ANKRD62: variants seen among roughly 807,000 people sequenced by gnomAD.
The protein encoded by ANKRD62 is ankyrin repeat domain 62.
In ANKRD62, 61 loss-of-function variants were observed where a neutral mutation model predicts 98.8. The ratio of observed to expected loss-of-function variants is 0.62; its 90% CI spans 0.50 to 0.76. The LOEUF is 0.76. ANKRD62 is among the 30% of genes least tolerant of loss of function. ANKRD62 has a pLI of 0.00. For synonymous variants in ANKRD62, 341 were observed against 367.9 expected, an observed-to-expected ratio of 0.93 and a Z score of 0.84; for missense variants, 933 against 1,082.9, an observed-to-expected ratio of 0.86 and a Z score of 1.94.
At chr18:12,170,424 A>G in the ANKRD62 span, among the ~76,000 whole-genome samples, 1 of 152,032 alleles carries the variant, frequency 6.6e-6, no homozygotes, top group Non-Finnish European at 1.5e-5. Flanking sequence ...TTCAGTTTCG[A>G]TGTAGTTGTG....
At chr18:12,115,183 A>G in intron 9 of ANKRD62, 62 bp downstream of exon 9, 1 of 1,346,484 alleles carries the variant, frequency 7.4e-7, no homozygotes, top group Non-Finnish European at 9.6e-7. Context: ...ATCATGGTAA[A>G]AAACAGAAAA....
At chr18:12,145,350 A>C in the ANKRD62 span, among the ~76,000 whole-genome samples, 1 of 152,228 alleles carries the variant, frequency 6.6e-6, no homozygotes, top group African/African-American at 2.4e-5. Context: ...CAAACAACAA[A>C]GATGTCAGCC....
At chr18:12,096,325 C>G (rs780152560) in intron 4 of ANKRD62, 23 bp downstream of exon 4, 1 of 1,399,876 alleles carries the variant, frequency 7.1e-7, no homozygotes, top group South Asian at 1.3e-5. Context: ...TTTTTTTGTT[C>G]ATTTTTAAAC....
At chr18:12,117,760 A>G (rs1425313330) in intron 10 of ANKRD62, among the ~76,000 whole-genome samples, 1 of 152,226 alleles carries the variant, frequency 6.6e-6, no homozygotes, top group Non-Finnish European at 1.5e-5. Flanking sequence ...TAATCTGGCA[A>G]ATAACAACGA....
intron 10 of ANKRD62, among the ~76,000 whole-genome samples, chr18:12,119,884 A>G (rs7239346): frequency 0.61 from 93,172 of 151,730 alleles, 29,037 homozygotes; most frequent in Middle Eastern, 0.76. Context: ...TACCAACCTC[A>G]ATATGTTATT....
chr18:12,174,758 TG>T, the ANKRD62 span, among the ~76,000 whole-genome samples: 1 of 152,220 alleles, frequency 6.6e-6, no homozygotes. Context: ...GAAGATTTTA[TG>T]GGCCCAATGT....
Position 12,103,216 on chromosome 18 carries a change from T to C in ANKRD62, c.879T>C (p.Ser293=). Residue 293 remains serine (S), a synonymous_variant, in exon 7 of 14, where the codon AGT becomes AGC. Coordinates refer to ENST00000587848, the MANE Select transcript of ANKRD62 (RefSeq NM_001277333.2). The part of the protein sequence containing the change: ...GEQERLEGCE[S]SQPQVEEKMK... The stretch of plus-strand genomic sequence containing the variant: ...AAGAAAGGCTTGAAGGATGTGAAAG[T>C]AGCCAGCCACAGGTATGTAAAAATT... 7.3e-7 allele frequency: 1 copy of C among 1,360,882 alleles called. No individual in the cohort carries two copies. Among genetic ancestry groups the C allele is most frequent in the Non-Finnish European group, 9.6e-7 (1 of 1,047,058 alleles). The allele number at this position is 1,360,882 out of a possible 1,614,324, so 84.3% of individuals were successfully genotyped here. A position where few individuals can be genotyped will look rare whatever the true frequency, so the allele number is the denominator to read the frequency against.
intron 1 of ANKRD62, among the ~76,000 whole-genome samples, chr18:12,094,477 TGGAA>T (rs1909125412): frequency 5.7e-4 from 1 of 1,754 alleles, no homozygotes; most frequent in South Asian, 0.016. Flanking sequence ...GGGTGGGGGT[TGGAA>T]GGGGTGGAGG....
chr18:12,164,841 T>C, the ANKRD62 span, among the ~76,000 whole-genome samples: 2 of 151,964 alleles, frequency 1.3e-5, no homozygotes, highest in Admixed American at 6.6e-5. Flanking sequence ...TCTTTGTCAA[T>C]TTTCTTTCTG....
chr18:12,126,066 G>A lies in ANKRD62; in HGVS notation c.2245G>A (p.Glu749Lys). The change falls in exon 13 of 14, where the codon GAG (glutamate) becomes AAG (lysine). Residue 749 changes from glutamate (E) to lysine (K), a missense_variant. By Grantham distance (56) the Glu-to-Lys change is moderately conservative. This residue lies in a region of ANKRD62 where 362 missense variants were observed against 434.5 expected (regional missense o/e 0.83). Transcript: ENST00000587848. Reference protein sequence around the residue: ...GVLSRTQRRLEDIEHMYQNDQ... With the variant: ...GVLSRTQRRLKDIEHMYQNDQ... ...CCTAAGCCGAACACAGCGTCGATTGGAGGACATTGAACACATGTACCAAAA... is the reference window on the plus strand; with the variant it reads ...CCTAAGCCGAACACAGCGTCGATTGAAGGACATTGAACACATGTACCAAAA... 1 of 1,536,180 alleles carries A rather than the reference G, an allele frequency of 6.5e-7. No homozygotes were observed. Among genetic ancestry groups the A allele is most frequent in the Non-Finnish European group, 8.7e-7 (1 of 1,146,900 alleles).
At chr18:12,171,858 A>G in the ANKRD62 span, among the ~76,000 whole-genome samples, 1 of 151,768 alleles carries the variant, frequency 6.6e-6, no homozygotes, top group African/African-American at 2.4e-5. Context: ...TTTTTTCTCT[A>G]AACTTCTCGC....
At chr18:12,167,209 A>G in the ANKRD62 span, among the ~76,000 whole-genome samples, 1 of 151,202 alleles carries the variant, frequency 6.6e-6, no homozygotes, top group Admixed American at 6.6e-5. Context: ...GTATGTATAC[A>G]TGTGCCGTGT....
chr18:12,127,815 T>C lies in ANKRD62; in HGVS notation c.2630T>C (p.Met877Thr). ...ALNKQLLLEA[M>T]LEISSERRIN... ...AACAAACAATTGCTGTTAGAAGCTA[T>C]GCTAGAGATTTCATCAGAACGTCGT... The change falls in exon 14 of 14, where the codon ATG (methionine) becomes ACG (threonine). Residue 877 changes from methionine (M) to threonine (T), a missense_variant. Met to Thr is a moderately conservative substitution (Grantham distance 81, BLOSUM62 -1). Around this residue, in one of 3 missense-constraint regions of ANKRD62, gnomAD observed 362 missense variants for 434.5 expected, o/e 0.83. Coordinates refer to ENST00000587848, the MANE Select transcript of ANKRD62 (RefSeq NM_001277333.2). 1.3e-6 allele frequency: 2 copies of C among 1,517,376 alleles called. No homozygotes were observed. Among genetic ancestry groups the C allele is most frequent in the South Asian group, 1.2e-5 (1 of 80,178 alleles). The allele number at this position is 1,517,376 out of a possible 1,614,324, so 94.0% of individuals were successfully genotyped here.
chr18:12,099,552 T>C lies in ANKRD62; in HGVS notation c.753-63T>C, dbSNP rs1050086581. On this transcript the variant is annotated intron_variant, in intron 5 of 13. Coordinates refer to ENST00000587848, the MANE Select transcript of ANKRD62 (RefSeq NM_001277333.2). The stretch of plus-strand genomic sequence containing the variant: ...ATATACTCTTAAGAATTTAATGTAT[T>C]TGGTAAAGTTTTTCATATCAGTATT... The C allele has an allele frequency of 5.6e-5, 57 of 1,026,596 alleles. No individual in the cohort carries two copies. In the African/African-American group the frequency reaches 9.0e-4, roughly 16 times the overall value. 63.6% of individuals were successfully genotyped at this position (1,026,596 alleles called of 1,614,324 possible).
At chr18:12,179,677 T>C in the ANKRD62 span, among the ~76,000 whole-genome samples, 1 of 150,748 alleles carries the variant, frequency 6.6e-6, no homozygotes, top group Non-Finnish European at 1.5e-5. Context: ...TCGACCAGAT[T>C]GTAGGATACC....
the ANKRD62 span, among the ~76,000 whole-genome samples, chr18:12,166,437 G>A: frequency 6.6e-6 from 1 of 151,894 alleles, no homozygotes; most frequent in Non-Finnish European, 1.5e-5. Flanking sequence ...ACATTCTTCA[G>A]TATGTCAATT....
At chr18:12,157,217 T>C in the ANKRD62 span, among the ~76,000 whole-genome samples, 1 of 152,214 alleles carries the variant, frequency 6.6e-6, no homozygotes, top group African/African-American at 2.4e-5. Context: ...CAAGCATTTT[T>C]AAAAATCACT....
At chr18:12,135,046 CT>C in the ANKRD62 span, among the ~76,000 whole-genome samples, 421 of 145,290 alleles carry the variant, frequency 2.9e-3, 9 homozygotes, top group East Asian at 0.014. Context: ...TGTTTCCTGA[CT>C]TTTTTTTTTT....
chr18:12,163,498 A>C, the ANKRD62 span, among the ~76,000 whole-genome samples: 1 of 151,996 alleles, frequency 6.6e-6, no homozygotes, highest in Admixed American at 6.6e-5. Flanking sequence ...GATGCACTTT[A>C]TTTCTTTCTT....
Sources: allele counts gnomAD v4.1 joint callset (sites outside exome capture counted in the v4.1 genomes callset), GRCh38; gene constraint gnomAD v4.1.1; regional missense constraint gnomAD v4.1.1; transcripts MANE v1.5; gene names NCBI Gene and HGNC (gene_info 2026-07-23, HGNC 2026-07-21).